KLHL29: variants seen among roughly 807,000 people sequenced by gnomAD.
The protein encoded by KLHL29 is kelch-like protein 29.
KLHL29 carries 21 observed loss-of-function variants against 80.4 expected under a neutral mutation model. That is an observed-to-expected ratio of 0.26 (90% CI 0.19 to 0.38). The LOEUF (loss-of-function observed/expected upper bound fraction) is 0.38. Among genes scored for constraint, KLHL29 ranks in the 10% least tolerant of loss-of-function variants. KLHL29 has a pLI of 1.00. For missense variants in KLHL29, 867 were observed against 1,223.9 expected, an observed-to-expected ratio of 0.71 and a Z score of 4.35; for synonymous variants, 511 against 526.8, an observed-to-expected ratio of 0.97 and a Z score of 0.41.
chr2:23,634,015 C>T (rs181382321), intron 3 of KLHL29, among the ~76,000 whole-genome samples: 67 of 152,304 alleles, frequency 4.4e-4, no homozygotes, highest in African/African-American at 1.6e-3. Context: ...TGGGTCTGTT[C>T]CTTGGGTCTC....
At position 23,691,662 on chromosome 2, in the gene KLHL29, C is replaced by A; in HGVS notation, c.1080-12C>A. On this transcript the variant is annotated splice_polypyrimidine_tract_variant and intron_variant, in intron 6 of 13. Transcript: ENST00000486442. ...GGGCAGGAGGTAAGGACACCCTGGT[C>A]TCTGTGCCTAGGTCCGTGCAAGACA... 1 of 1,551,358 alleles carries A rather than the reference C, an allele frequency of 6.4e-7. No homozygotes were observed. Among genetic ancestry groups the A allele is most frequent in the South Asian group, 1.2e-5 (1 of 84,030 alleles).
intron 3 of KLHL29, among the ~76,000 whole-genome samples, chr2:23,587,700 A>G (rs1344695711): frequency 1.3e-5 from 2 of 152,166 alleles, no homozygotes; most frequent in South Asian, 2.1e-4. Flanking sequence ...CGTGTCACCC[A>G]TATTCCAGAG....
chr2:23,460,912 C>T (rs1038885739), intron 1 of KLHL29, among the ~76,000 whole-genome samples: 2 of 152,174 alleles, frequency 1.3e-5, no homozygotes, highest in Non-Finnish European at 2.9e-5. Context: ...GGCAGAGGCA[C>T]CGTGACTGAT....
At chr2:23,641,515 G>A (rs995558212) in intron 4 of KLHL29, among the ~76,000 whole-genome samples, 7 of 152,192 alleles carry the variant, frequency 4.6e-5, no homozygotes, top group Non-Finnish European at 8.8e-5. Context: ...CCTCAGAGGC[G>A]AGCTTGCAGA....
rs968080949 is a variant in KLHL29 at position 23,680,447 on chromosome 2, G to A, written c.941-3952G>A. The stretch of plus-strand genomic sequence containing the variant: ...TCCGTGAGCAAGGCCAGGGTGTGCA[G>A]TCCCACAGACGTAGGCGGGCATCCC... On this transcript the variant is annotated intron_variant, in intron 5 of 13. Transcript: ENST00000486442. The surrounding 1 kb of genome is among the most constrained non-coding windows in gnomAD (Gnocchi z 4.1). Among the ~76,000 whole-genome samples, 3 of 152,202 alleles carry A rather than the reference G, an allele frequency of 2.0e-5. No individual in the cohort carries two copies. The highest frequency in any genetic ancestry group is 7.2e-5 in the African/African-American group (3 of 41,446).
At chr2:23,477,612 G>A (rs1052976686) in intron 2 of KLHL29, among the ~76,000 whole-genome samples, 2 of 152,266 alleles carry the variant, frequency 1.3e-5, no homozygotes, top group African/African-American at 2.4e-5. Flanking sequence ...GTTGGCACAC[G>A]CCCATGGCAC....
chr2:23,535,879 A>G (rs1299637714), intron 2 of KLHL29, among the ~76,000 whole-genome samples: 1 of 152,246 alleles, frequency 6.6e-6, no homozygotes, highest in Admixed American at 6.5e-5. Flanking sequence ...ATTGAAGTGT[A>G]CACATAAAAT....
chr2:23,386,329 T>C (rs1666181992), intron 1 of KLHL29, among the ~76,000 whole-genome samples: 1 of 152,168 alleles, frequency 6.6e-6, no homozygotes, highest in Non-Finnish European at 1.5e-5. Flanking sequence ...ATTTGGGGAC[T>C]GGGTCTCTTT....
chr2:23,615,951 G>A (rs1322879794), intron 3 of KLHL29, among the ~76,000 whole-genome samples: 1 of 152,190 alleles, frequency 6.6e-6, no homozygotes, highest in East Asian at 1.9e-4. Context: ...TCTCTTTTGG[G>A]AATCAGGCTC....
chr2:23,640,517 T>C (rs909619027), intron 4 of KLHL29, among the ~76,000 whole-genome samples: 1 of 152,170 alleles, frequency 6.6e-6, no homozygotes, highest in African/African-American at 2.4e-5. Context: ...TGGGATGACA[T>C]GCTTTGGCTT....
At chr2:23,486,955 C>A (rs1664946559) in intron 2 of KLHL29, among the ~76,000 whole-genome samples, 1 of 152,200 alleles carries the variant, frequency 6.6e-6, no homozygotes, top group Non-Finnish European at 1.5e-5. Flanking sequence ...CTCGTGGAAT[C>A]CTCCCAGTGG....
At chr2:23,646,842 C>T (rs1271710992) in intron 5 of KLHL29, among the ~76,000 whole-genome samples, 2 of 152,222 alleles carry the variant, frequency 1.3e-5, no homozygotes, top group Non-Finnish European at 2.9e-5. Context: ...CTTCTCTAAG[C>T]CTCTTTCCTC....
At position 23,613,788 on chromosome 2, in the gene KLHL29, A is replaced by AAAAAAAAAC. The variant is rs1553344242; in HGVS notation, c.286-25349_286-25348insAAAAAACAA. Among the ~76,000 whole-genome samples, 106 of 147,252 alleles carry AAAAAAAAAC rather than the reference A, an allele frequency of 7.2e-4. 3 individuals are homozygous for AAAAAAAAAC. The highest frequency in any genetic ancestry group is 1.4e-3 in the Non-Finnish European group (92 of 66,276). ...CAAAAAAAAAAAAAAAAAAAAAAAAAAACCCACCACTCTCAGCTCACCAGG... is the reference window on the plus strand; with the variant it reads ...CAAAAAAAAAAAAAAAAAAAAAAAAAAAAAAAAACAACCCACCACTCTCAGCTCACCAGG... On this transcript the variant is annotated intron_variant, in intron 3 of 13. Transcript: ENST00000486442.
At chr2:23,533,053 A>G (rs1666549008) in intron 2 of KLHL29, among the ~76,000 whole-genome samples, 1 of 152,178 alleles carries the variant, frequency 6.6e-6, no homozygotes. Flanking sequence ...TGACGAGTTC[A>G]AGGGATTTTC....
chr2:23,661,340 TAAA>T (rs11483622), intron 5 of KLHL29, among the ~76,000 whole-genome samples: 1 of 134,914 alleles, frequency 7.4e-6, no homozygotes, highest in African/African-American at 2.9e-5. Flanking sequence ...AGACCCTGTC[TAAA>T]AAAAAAAAAA....
At chr2:23,688,241 C>T (rs945101890) in intron 6 of KLHL29, among the ~76,000 whole-genome samples, 4 of 152,336 alleles carry the variant, frequency 2.6e-5, no homozygotes, top group South Asian at 2.1e-4. Context: ...CATGCCCATG[C>T]GTGTGTCCTG....
At chr2:23,671,111 G>A (rs1296648004) in intron 5 of KLHL29, among the ~76,000 whole-genome samples, 1 of 150,742 alleles carries the variant, frequency 6.6e-6, no homozygotes, top group East Asian at 2.0e-4. Flanking sequence ...GGCATCTGGG[G>A]TTTCCATTTC....
intron 3 of KLHL29, among the ~76,000 whole-genome samples, chr2:23,580,152 C>T (rs984274299): frequency 3.3e-5 from 5 of 151,954 alleles, no homozygotes; most frequent in Non-Finnish European, 5.9e-5. Flanking sequence ...GGGCCGATCA[C>T]GAGGTCAGGA....
chr2:23,487,982 T>C (rs2103446306), intron 2 of KLHL29, among the ~76,000 whole-genome samples: 1 of 152,292 alleles, frequency 6.6e-6, no homozygotes, highest in Admixed American at 6.5e-5. Flanking sequence ...GGGAGGCCCC[T>C]TCTAGCCTTT....
Sources: gnomAD v4.1 joint callset for allele counts (sites outside exome capture counted in the v4.1 genomes callset) on GRCh38, gnomAD v4.1.1 for gene constraint, Gnocchi (gnomAD v3.1) non-coding constraint, MANE v1.5 for transcripts, NCBI Gene and HGNC (gene_info 2026-07-23, HGNC 2026-07-21) for gene names.